Variants in SLC38A9 observed in about 807,000 individuals in gnomAD.
The protein encoded by SLC38A9 is solute carrier family 38 member 9.
SLC38A9 carries 48 observed loss-of-function variants against 62.3 expected under a neutral mutation model. The observed-to-expected ratio is 0.77, with a 90% CI of 0.61 to 0.98. The LOEUF is 0.98. Among genes scored for constraint, SLC38A9 ranks in the 50% least tolerant of loss-of-function variants. The probability of loss-of-function intolerance (pLI) is 0.00; values close to 1 mark genes in which losing one functional copy is unlikely to be tolerated. For synonymous variants in SLC38A9, 204 were observed against 227.7 expected (o/e 0.90, Z 0.94); for missense variants, 541 against 679.8 (o/e 0.80, Z 2.27).
At chr5:55,660,565 C>T (rs1181239184) in intron 8 of SLC38A9, among the ~76,000 whole-genome samples, 2 of 152,088 alleles carry the variant, frequency 1.3e-5, no homozygotes, top group Admixed American at 1.3e-4. Flanking sequence ...ATAATTAAGA[C>T]TTGTTTATTT....
chr5:55,695,320 G>C lies in SLC38A9; in HGVS notation c.113+2526C>G, dbSNP rs542766759. Among the ~76,000 whole-genome samples the C allele has an allele frequency of 4.4e-4, 60 of 134,888 alleles. 1 individual carries two copies. Among genetic ancestry groups the C allele is most frequent in the South Asian group, 4.1e-3 (15 of 3,694 alleles). The allele number at this position is 134,888 out of a possible 152,430, so 88.5% of individuals were successfully genotyped here. ...TTCTTGGGTGTTTCTCACAGAGGGGGATTTGGCAGGGTCATAGGACAATAG... is the reference window on the plus strand; with the variant it reads ...TTCTTGGGTGTTTCTCACAGAGGGGCATTTGGCAGGGTCATAGGACAATAG... On this transcript the variant is annotated intron_variant, in intron 3 of 15. Transcript: ENST00000396865.
At chr5:55,660,122 T>G (rs1749247610) in intron 8 of SLC38A9, among the ~76,000 whole-genome samples, 1 of 147,294 alleles carries the variant, frequency 6.8e-6, no homozygotes, top group African/African-American at 2.5e-5. Flanking sequence ...AAGATAAACA[T>G]TCAAGGGGCA....
chr5:55,661,920 T>G (rs1425132676), intron 8 of SLC38A9, among the ~76,000 whole-genome samples: 1 of 152,180 alleles, frequency 6.6e-6, no homozygotes, highest in Non-Finnish European at 1.5e-5. Flanking sequence ...AAAAGATGAT[T>G]AATGCCACTC....
At chr5:55,648,792 A>G (rs1001600326) in intron 11 of SLC38A9, among the ~76,000 whole-genome samples, 2 of 152,202 alleles carry the variant, frequency 1.3e-5, no homozygotes, top group Non-Finnish European at 1.5e-5. Context: ...GGATATCCCA[A>G]TTACCCTGAT....
intron 11 of SLC38A9, 31 bp downstream of exon 11, chr5:55,649,176 T>C: frequency 8.0e-7 from 1 of 1,252,508 alleles, no homozygotes; most frequent in Non-Finnish European, 1.1e-6. Context: ...GATCACATTA[T>C]TATAATTTAT....
At position 55,632,721 on chromosome 5, in the gene SLC38A9, TAAAG is replaced by T. The variant is rs1433196598; in HGVS notation, c.1430+1029_1430+1032del. Among the ~76,000 whole-genome samples, 4 of 152,034 alleles carry T rather than the reference TAAAG, an allele frequency of 2.6e-5. No individual in the cohort carries two copies. The East Asian group carries it at 5.8e-4, about 22-fold the overall frequency. ...ACTATTTCTGTGTAAAAACTAGCCA[TAAAG>T]AAATGATCTGACCTGTCTTGTTTGA... On this transcript the variant is annotated intron_variant, in intron 14 of 15. Coordinates refer to ENST00000396865, the MANE Select transcript of SLC38A9 (RefSeq NM_173514.4).
Position 55,645,842 on chromosome 5 carries a change from TA to T in SLC38A9, c.1113del (p.Phe371LeufsTer10), listed in dbSNP as rs746769804. ...AAGAGTGTGATGATACAATTATGAA[TA>T]AAAAAAGCAAGGGTAAGCACTCCAG... is the stretch of plus-strand genomic sequence containing the variant. ...QLTGVLTLAF[F>X]IHNCIITLLK... is the part of the protein sequence containing the mutation. On this transcript the variant is annotated frameshift_variant, in exon 12 of 16. Transcript: ENST00000396865. LOFTEE classifies it high-confidence loss of function. 1 of 1,611,956 alleles carries T rather than the reference TA, an allele frequency of 6.2e-7. No individual in the cohort carries two copies. The highest frequency in any genetic ancestry group is 8.5e-7 in the Non-Finnish European group (1 of 1,179,284).
chr5:55,663,118 C>T (rs571175218), intron 8 of SLC38A9, among the ~76,000 whole-genome samples: 1 of 151,762 alleles, frequency 6.6e-6, no homozygotes, highest in East Asian at 2.0e-4. Flanking sequence ...TGGTCTTGAA[C>T]TCCTGAGTTC....
At chr5:55,663,916 A>G (rs1750036881) in intron 8 of SLC38A9, among the ~76,000 whole-genome samples, 1 of 152,222 alleles carries the variant, frequency 6.6e-6, no homozygotes, top group African/African-American at 2.4e-5. Context: ...CAGATTTTAA[A>G]TATATGCTTT....
intron 15 of SLC38A9, among the ~76,000 whole-genome samples, chr5:55,627,591 T>C (rs1742668456): frequency 6.6e-6 from 1 of 152,016 alleles, no homozygotes; most frequent in Non-Finnish European, 1.5e-5. Flanking sequence ...ATATTAAAAA[T>C]AACTTTTTAT....
intron 3 of SLC38A9, among the ~76,000 whole-genome samples, chr5:55,697,543 ACCTTG>A (rs1287789044): frequency 1.3e-5 from 2 of 151,856 alleles, no homozygotes; most frequent in Non-Finnish European, 2.9e-5. Flanking sequence ...TTAGCATATT[ACCTTG>A]CGCAAAGTGG....
At chr5:55,684,664 G>C (rs140595000) in intron 3 of SLC38A9, among the ~76,000 whole-genome samples, 7 of 152,192 alleles carry the variant, frequency 4.6e-5, no homozygotes, top group African/African-American at 1.7e-4. Flanking sequence ...TTGTTTGTTT[G>C]CTTTTCTGAG....
chr5:55,640,592 G>T (rs973771256), intron 12 of SLC38A9, among the ~76,000 whole-genome samples: 1 of 152,152 alleles, frequency 6.6e-6, no homozygotes, highest in African/African-American at 2.4e-5. Context: ...ATAAACTGGT[G>T]TGACTTTCCA....
chr5:55,671,215 G>A (rs1056054315), intron 4 of SLC38A9, among the ~76,000 whole-genome samples: 2 of 151,936 alleles, frequency 1.3e-5, no homozygotes, highest in African/African-American at 4.8e-5. Context: ...TCCTAAAATA[G>A]TAATAGAGAT....
Position 55,697,991 on chromosome 5 carries a change from T to A in SLC38A9, c.-33A>T, listed in dbSNP as rs755984472. 1 of 1,061,588 alleles carries A rather than the reference T, an allele frequency of 9.4e-7. No homozygotes were observed. The highest frequency in any genetic ancestry group is 1.5e-5 in the South Asian group (1 of 67,628). 65.8% of individuals were successfully genotyped at this position (1,061,588 alleles called of 1,614,324 possible). On this transcript the variant is annotated splice_region_variant and 5_prime_UTR_variant, in exon 3 of 16. Coordinates refer to ENST00000396865, the MANE Select transcript of SLC38A9 (RefSeq NM_173514.4). ...ACACTCTAAGCACTGAAGAAGTTAG[T>A]CCTACACAAAGAAGATAAATAATTT...
chr5:55,645,758 A>G, intron 12 of SLC38A9, 31 bp downstream of exon 12: 1 of 1,476,680 alleles, frequency 6.8e-7, no homozygotes, highest in Non-Finnish European at 9.4e-7. Context: ...CTCGGGAGAT[A>G]CAAAAGTCAA....
chr5:55,690,346 T>C (rs964906653), intron 3 of SLC38A9, among the ~76,000 whole-genome samples: 4 of 152,038 alleles, frequency 2.6e-5, no homozygotes, highest in African/African-American at 7.2e-5. Context: ...CTAAACACTC[T>C]TCAAGTGTTT....
At chr5:55,660,958 G>A (rs1354234474) in intron 8 of SLC38A9, among the ~76,000 whole-genome samples, 1 of 123,154 alleles carries the variant, frequency 8.1e-6, no homozygotes, top group African/African-American at 2.8e-5. Context: ...TTTTTTGTAT[G>A]TGTTTGAGAT....
intron 10 of SLC38A9, among the ~76,000 whole-genome samples, 199 bp downstream of exon 10, chr5:55,652,330 C>CACTGT (rs1326024200): frequency 8.2e-6 from 1 of 121,312 alleles, no homozygotes; most frequent in African/African-American, 3.1e-5. Context: ...GCACTCCACC[C>CACTGT]TGGGCAACAA....
Sources: gnomAD v4.1 joint callset for allele counts (sites outside exome capture counted in the v4.1 genomes callset) on GRCh38, gnomAD v4.1.1 for gene constraint, MANE v1.5 for transcripts, NCBI Gene and HGNC (gene_info 2026-07-23, HGNC 2026-07-21) for gene names.